Variants in PTPRK observed in about 807,000 individuals in gnomAD.
The protein encoded by PTPRK is protein tyrosine phosphatase receptor type K.
Under a neutral mutation model 178.0 loss-of-function variants are expected in PTPRK, and 75 were observed. That is an observed-to-expected ratio of 0.42 (90% CI 0.35 to 0.51). The LOEUF is 0.51. Ranked by LOEUF, PTPRK falls within the 20% of genes least tolerant of loss-of-function variation. PTPRK has a pLI of 0.02. For missense variants in PTPRK, 1,441 were observed against 1,797.8 expected, an observed-to-expected ratio of 0.80 and a Z score of 3.59; for synonymous variants, 637 against 620.6, an observed-to-expected ratio of 1.03 and a Z score of -0.39.
chr6:127,973,707 C>T lies in PTPRK; in HGVS notation c.4090G>A (p.Glu1364Lys). The T allele has an allele frequency of 1.2e-6, 2 of 1,614,018 alleles. No homozygotes were observed. Among genetic ancestry groups the T allele is most frequent in the Non-Finnish European group, 1.7e-6 (2 of 1,179,944 alleles). ...CGGCCTTCCCCTTCCTCGCATTCCT[C>T]CTGCCACTTTTCCACCTGAAGTATC... ...KLILQVEKWQEECEEGEGRTI... is the reference protein window; with the variant it reads ...KLILQVEKWQKECEEGEGRTI... Residue 1364 changes from glutamate to lysine, a missense_variant, in exon 28 of 30, where the codon GAG (glutamate) becomes AAG (lysine). Transcript: ENST00000368226.
At chr6:128,286,961 A>AT in intron 3 of PTPRK, among the ~76,000 whole-genome samples, 1 of 152,036 alleles carries the variant, frequency 6.6e-6, no homozygotes, top group African/African-American at 2.4e-5. Flanking sequence ...AATTTTGAGA[A>AT]TTTTTTTGTC....
chr6:128,478,221 C>T (rs1403988931), intron 1 of PTPRK, among the ~76,000 whole-genome samples: 4 of 152,006 alleles, frequency 2.6e-5, no homozygotes, highest in Non-Finnish European at 5.9e-5. Flanking sequence ...TCCTTCATGC[C>T]TTACTTACAC....
intron 14 of PTPRK, among the ~76,000 whole-genome samples, chr6:128,008,453 T>C (rs1192838433): frequency 6.6e-6 from 1 of 151,016 alleles, no homozygotes; most frequent in African/African-American, 2.4e-5. Context: ...TTATATAATG[T>C]ACAATAGCTC....
intron 6 of PTPRK, among the ~76,000 whole-genome samples, chr6:128,189,015 G>A (rs1803254392): frequency 6.6e-6 from 1 of 151,986 alleles, no homozygotes; most frequent in African/African-American, 2.4e-5. Context: ...CAGGTTCCAA[G>A]GATTAGAATC....
chr6:128,197,534 A>G (rs1805106603), intron 6 of PTPRK, among the ~76,000 whole-genome samples: 1 of 152,092 alleles, frequency 6.6e-6, no homozygotes, highest in Admixed American at 6.6e-5. Flanking sequence ...TTTAATATAT[A>G]AATGCAAATT....
chr6:128,444,098 G>T (rs1846637748), intron 1 of PTPRK, among the ~76,000 whole-genome samples: 1 of 152,072 alleles, frequency 6.6e-6, no homozygotes, highest in Non-Finnish European at 1.5e-5. Flanking sequence ...TGATCCACCT[G>T]CCTCGGCTTC....
At chr6:128,187,986 T>C (rs1803066062) in intron 6 of PTPRK, among the ~76,000 whole-genome samples, 3 of 152,302 alleles carry the variant, frequency 2.0e-5, no homozygotes, top group South Asian at 4.1e-4. Context: ...TATGCATGAA[T>C]TTTAATCAGT....
rs572199855 is a variant in PTPRK at position 128,340,620 on chromosome 6, A to G, written c.224-18310T>C. ...CTGCACAGATAAATATCTGAGTATT[A>G]ACATACCATAAGTTTACTCATACAA... On this transcript the variant is annotated intron_variant, in intron 2 of 29. Transcript: ENST00000368226. 2.0e-5 allele frequency among the ~76,000 whole-genome samples: 3 copies of G among 152,322 alleles called. No homozygotes were observed. In the South Asian group the frequency reaches 6.2e-4, roughly 32 times the overall value.
intron 3 of PTPRK, among the ~76,000 whole-genome samples, chr6:128,274,074 G>A (rs1051154706): frequency 6.6e-6 from 1 of 151,090 alleles, no homozygotes; most frequent in African/African-American, 2.5e-5. Context: ...TGTTATGCAA[G>A]GTACAGATTT....
At chr6:128,266,885 T>TA (rs1819039430) in intron 3 of PTPRK, among the ~76,000 whole-genome samples, 1 of 152,074 alleles carries the variant, frequency 6.6e-6, no homozygotes, top group African/African-American at 2.4e-5. Flanking sequence ...AGGAGGAATA[T>TA]AGCAAAGAGT....
chr6:128,329,333 C>G (rs952048225), intron 2 of PTPRK, among the ~76,000 whole-genome samples: 1 of 150,966 alleles, frequency 6.6e-6, no homozygotes, highest in African/African-American at 2.4e-5. Flanking sequence ...TACCCTAGTA[C>G]GAAGGATATA....
chr6:128,242,001 G>A (rs1814565883), intron 4 of PTPRK, among the ~76,000 whole-genome samples: 1 of 147,082 alleles, frequency 6.8e-6, no homozygotes, highest in African/African-American at 2.6e-5. Context: ...ATTTTGGCCA[G>A]ACTGGTCTCA....
chr6:128,370,392 T>A (rs1380597793), intron 2 of PTPRK, among the ~76,000 whole-genome samples: 1 of 152,056 alleles, frequency 6.6e-6, no homozygotes, highest in African/African-American at 2.4e-5. Context: ...GAACTCAGGG[T>A]CCCCTAAGCT....
intron 2 of PTPRK, among the ~76,000 whole-genome samples, chr6:128,371,229 C>T (rs1008407235): frequency 6.6e-6 from 1 of 152,048 alleles, no homozygotes; most frequent in Non-Finnish European, 1.5e-5. Flanking sequence ...TTATTAGTTA[C>T]ATCTGTTTCA....
chr6:128,516,698 G>A (rs1420570794), intron 1 of PTPRK, among the ~76,000 whole-genome samples: 1 of 152,104 alleles, frequency 6.6e-6, no homozygotes, highest in Non-Finnish European at 1.5e-5. Context: ...GACAAAGCAG[G>A]ATCTCGAGCT....
chr6:128,300,927 AC>A (rs1426033808), intron 3 of PTPRK, among the ~76,000 whole-genome samples: 2 of 146,930 alleles, frequency 1.4e-5, no homozygotes, highest in Non-Finnish European at 3.0e-5. Context: ...TACACACCCC[AC>A]CCCCACCACA....
chr6:128,029,245 C>T (rs1774862863), intron 13 of PTPRK, among the ~76,000 whole-genome samples: 1 of 152,090 alleles, frequency 6.6e-6, no homozygotes, highest in African/African-American at 2.4e-5. Flanking sequence ...CATGGTTCCC[C>T]TTCACCTTCT....
intron 2 of PTPRK, among the ~76,000 whole-genome samples, chr6:128,357,067 A>G (rs965933104): frequency 6.6e-6 from 1 of 152,204 alleles, no homozygotes; most frequent in Admixed American, 6.5e-5. Flanking sequence ...GAATTTCTAG[A>G]CACAATTTAA....
At chr6:128,457,436 A>T (rs1445701406) in intron 1 of PTPRK, among the ~76,000 whole-genome samples, 1 of 152,158 alleles carries the variant, frequency 6.6e-6, no homozygotes, top group Non-Finnish European at 1.5e-5. Flanking sequence ...AGTAAGTTGA[A>T]GAGACAGACA....
Sources: allele counts gnomAD v4.1 joint callset (sites outside exome capture counted in the v4.1 genomes callset), GRCh38; gene constraint gnomAD v4.1.1; transcripts MANE v1.5; gene names NCBI Gene and HGNC (gene_info 2026-07-23, HGNC 2026-07-21).